The following PFKFB2 variants were observed in gnomAD, a reference collection of about 807,000 sequenced individuals.
PFKFB2 encodes 6-phosphofructo-2-kinase/fructose-2,6-bisphosphatase 2.
Under a neutral mutation model 68.0 loss-of-function variants are expected in PFKFB2, and 53 were observed. That is an observed-to-expected ratio of 0.78 (90% CI 0.63 to 0.98). The LOEUF (loss-of-function observed/expected upper bound fraction) is 0.98. Ranked by LOEUF, PFKFB2 falls within the 50% of genes least tolerant of loss-of-function variation. The probability of loss-of-function intolerance (pLI) is 0.00; values close to 1 mark genes in which losing one functional copy is unlikely to be tolerated. For synonymous variants in PFKFB2, 222 were observed against 227.6 expected, an observed-to-expected ratio of 0.98 and a Z score of 0.22; for missense variants, 451 against 642.0, an observed-to-expected ratio of 0.70 and a Z score of 3.22.
chr1:207,079,149 C>T (rs1683703965), downstream of PFKFB2: 1 of 756,568 alleles, frequency 1.3e-6, no homozygotes, highest in Admixed American at 1.9e-5. Context: ...CAAAACGAGG[C>T]CTGGAGAAAC....
chr1:207,073,789 A>G lies in PFKFB2; in HGVS notation c.*1418A>G, dbSNP rs532231770. 3 of 985,204 alleles carry G rather than the reference A, an allele frequency of 3.0e-6. No homozygotes were observed. The highest frequency in any genetic ancestry group is 3.5e-5 in the African/African-American group (2 of 57,354). 61.0% of individuals were successfully genotyped at this position (985,204 alleles called of 1,614,324 possible). ...AGCCCCTTGATGACCATGATGGCTT[A>G]TTCTCTTTCCCAATTTTGCATGCAA... On this transcript the variant is annotated 3_prime_UTR_variant, in exon 15 of 15. Transcript: ENST00000367080.
intron 1 of PFKFB2, among the ~76,000 whole-genome samples, chr1:207,041,934 G>A (rs963412761): frequency 6.6e-6 from 1 of 152,126 alleles, no homozygotes; most frequent in Admixed American, 6.5e-5. Context: ...ATGACTTCTA[G>A]CACTATTTCT....
chr1:207,073,546 A>AT lies in PFKFB2; in HGVS notation c.*1182dup. The stretch of plus-strand genomic sequence containing the variant: ...AAAACAAAATAGTTTTTACATGACC[A>AT]TTTTTTTCCCAAATGTGGAAAAGCT... On this transcript the variant is annotated 3_prime_UTR_variant, in exon 15 of 15. Coordinates refer to ENST00000367080, the MANE Select transcript of PFKFB2 (RefSeq NM_006212.2). 2 of 984,984 alleles carry AT rather than the reference A, an allele frequency of 2.0e-6. No homozygotes were observed. The highest frequency in any genetic ancestry group is 2.4e-6 in the Non-Finnish European group (2 of 829,552). The allele number at this position is 984,984 out of a possible 1,614,324, so 61.0% of individuals were successfully genotyped here.
intron 11 of PFKFB2, 65 bp downstream of exon 11, chr1:207,069,593 G>C: frequency 9.5e-7 from 1 of 1,051,380 alleles, no homozygotes; most frequent in South Asian, 1.3e-5. Context: ...CTTTAATTTG[G>C]GGGAAGGATT....
intron 1 of PFKFB2, among the ~76,000 whole-genome samples, chr1:207,040,582 G>A (rs986395499): frequency 3.3e-5 from 5 of 151,990 alleles, no homozygotes; most frequent in Non-Finnish European, 7.4e-5. Flanking sequence ...AGTGGGCTTA[G>A]GGGAATATGT....
At chr1:207,052,334 G>C (rs1682773856), upstream of PFKFB2, 2 of 1,048,674 alleles carry the variant, frequency 1.9e-6, no homozygotes, top group Non-Finnish European at 2.9e-6. Flanking sequence ...CTGGGTTAGG[G>C]GGTAGGTAGG....
In PFKFB2 at chr1:207,038,894, T is replaced by C. The variant is rs1289365046; in HGVS notation, c.-61-3275T>C. On this transcript the variant is annotated intron_variant, in intron 1 of 5. Coordinates refer to the PFKFB2 transcript ENST00000545806. ...CCTAGGGAAGTTCCTGGTATGACATTAGCATTCAGAAATGTTTATTAAATG... is the reference window on the plus strand; with the variant it reads ...CCTAGGGAAGTTCCTGGTATGACATCAGCATTCAGAAATGTTTATTAAATG... 2.6e-5 allele frequency among the ~76,000 whole-genome samples: 4 copies of C among 152,342 alleles called. 1 individual carries two copies. The East Asian group carries it at 7.7e-4, about 29-fold the overall frequency.
At chr1:207,065,715 G>GTAT (rs1484200020) in intron 8 of PFKFB2, among the ~76,000 whole-genome samples, 3 of 152,112 alleles carry the variant, frequency 2.0e-5, no homozygotes, top group Non-Finnish European at 4.4e-5. Context: ...CTCAATCTCA[G>GTAT]TATTATTGGC....
Position 207,069,545 on chromosome 1 carries a change from A to C in PFKFB2, c.1092+17A>C. 1 of 1,491,930 alleles carries C rather than the reference A, an allele frequency of 6.7e-7. No homozygotes were observed. Among genetic ancestry groups the C allele is most frequent in the Non-Finnish European group, 9.4e-7 (1 of 1,068,576 alleles). 92.4% of individuals were successfully genotyped at this position (1,491,930 alleles called of 1,614,324 possible). ...GGTGGGGAGGTAAGACGCCCCTGTC[A>C]TGTAAAGTGACTGCCTAGACCCTTG... On this transcript the variant is annotated intron_variant, in intron 11 of 14. Transcript: ENST00000367080.
chr1:207,055,475 A>G (rs1312360587), intron 2 of PFKFB2, among the ~76,000 whole-genome samples: 2 of 152,102 alleles, frequency 1.3e-5, no homozygotes, highest in Non-Finnish European at 2.9e-5. Flanking sequence ...CCTGTCCCCA[A>G]GCATCTGTAT....
downstream of PFKFB2, chr1:207,078,965 C>T (rs945066284): frequency 8.1e-6 from 13 of 1,612,336 alleles, no homozygotes; most frequent in Non-Finnish European, 1.0e-5. Flanking sequence ...CAGCAGAGAC[C>T]ACACTGGCTG....
At chr1:207,042,275 G>T (rs549621641) in intron 2 of PFKFB2, 2 of 152,254 alleles carry the variant, frequency 1.3e-5, no homozygotes, top group Admixed American at 6.5e-5. Context: ...GCGGCCAGGC[G>T]CAGTGGCTCA....
Position 207,065,130 on chromosome 1 carries a change from A to T in PFKFB2, c.602A>T (p.Tyr201Phe). ...LKRIECYKVT[Y>F]RPLDPDNYDK... ...AGAATTGAATGCTACAAAGTTACCTACCGACCTCTTGACCCAGACAACTAT... is the reference window on the plus strand; with the variant it reads ...AGAATTGAATGCTACAAAGTTACCTTCCGACCTCTTGACCCAGACAACTAT... The change falls in exon 8 of 15, where the codon TAC becomes TTC. Residue 201 changes from tyrosine to phenylalanine, a missense_variant. Tyr to Phe is a conservative substitution (Grantham distance 22, BLOSUM62 3). Coordinates refer to ENST00000367080, the MANE Select transcript of PFKFB2 (RefSeq NM_006212.2). The T allele has an allele frequency of 1.2e-6, 2 of 1,613,986 alleles. No individual in the cohort carries two copies. The highest frequency in any genetic ancestry group is 1.7e-6 in the Non-Finnish European group (2 of 1,179,942).
At position 207,063,897 on chromosome 1, in the gene PFKFB2, G is replaced by GTGTGTGTGTGTGTGTA. The variant is rs1204511871; in HGVS notation, c.507+83_507+84insATGTGTGTGTGTGTGT. 5.0e-6 allele frequency: 5 copies of GTGTGTGTGTGTGTGTA among 1,009,252 alleles called. No homozygotes were observed. The highest frequency in any genetic ancestry group is 2.1e-4 in the Middle Eastern group (1 of 4,808). The allele number at this position is 1,009,252 out of a possible 1,614,324, so 62.5% of individuals were successfully genotyped here. A position where few individuals can be genotyped will look rare whatever the true frequency, so the allele number is the denominator to read the frequency against. On this transcript the variant is annotated intron_variant, in intron 7 of 14. Transcript: ENST00000367080. The surrounding 1 kb of genome is among the most constrained non-coding windows in gnomAD (Gnocchi z 4.1). Reference sequence around the variant, plus strand: ...GCTGTGTGTGTTGTGGGGTGTGTGTGTGTGTGTGTGTGTGTGTGTTGTTGG... The same window carrying GTGTGTGTGTGTGTGTA: ...GCTGTGTGTGTTGTGGGGTGTGTGTGTGTGTGTGTGTGTGTATGTGTGTGTGTGTGTGTGTTGTTGG...
intron 1 of PFKFB2, among the ~76,000 whole-genome samples, chr1:207,038,936 A>G (rs1488532762): frequency 1.3e-5 from 2 of 152,230 alleles, no homozygotes; most frequent in African/African-American, 4.8e-5. Flanking sequence ...TATTATTGCA[A>G]TCTTGAGGTA....
rs11453040 is a variant in PFKFB2 at position 207,069,648 on chromosome 1, T to TG, written c.1092+123dup. On this transcript the variant is annotated intron_variant, in intron 11 of 14. Coordinates refer to ENST00000367080, the MANE Select transcript of PFKFB2 (RefSeq NM_006212.2). ...TAGGCATCATTTATCTTCCTTCCCT[T>TG]GGGTCATTTTGGTTTCATTCAGCTT... 3,082 of 647,634 alleles carry TG rather than the reference T, an allele frequency of 4.8e-3. 65 individuals carry two copies. The African/African-American group carries it at 0.052, about 11-fold the overall frequency. The allele number at this position is 647,634 out of a possible 1,614,324, so 40.1% of individuals were successfully genotyped here.
chr1:207,035,499 C>T (rs1469941037), intron 1 of PFKFB2, among the ~76,000 whole-genome samples: 1 of 151,984 alleles, frequency 6.6e-6, no homozygotes, highest in African/African-American at 2.4e-5. Context: ...ACTAAAAGTA[C>T]AAAAATTAGC....
rs1258742601 is a variant in PFKFB2 at position 207,054,742 on chromosome 1, C to A, written c.25C>A (p.Gln9Lys). 6.2e-7 allele frequency: 1 copy of A among 1,613,788 alleles called. No homozygotes were observed. The highest frequency in any genetic ancestry group is 1.3e-5 in the African/African-American group (1 of 75,042). The change falls in exon 2 of 15, where the codon CAG becomes AAG. Residue 9 changes from glutamine (Q) to lysine (K), a missense_variant. Transcript: ENST00000367080. Reference protein sequence around the residue: MSGASSSEQNNNSYETKTP... With the variant: MSGASSSEKNNNSYETKTP... Reference sequence around the variant, plus strand: ...CATGTCTGGGGCATCTTCCTCAGAACAGAACAACAACAGCTATGAAACCAA... The same window carrying A: ...CATGTCTGGGGCATCTTCCTCAGAAAAGAACAACAACAGCTATGAAACCAA...
intron 1 of PFKFB2, among the ~76,000 whole-genome samples, chr1:207,039,987 G>T (rs1682446760): frequency 6.6e-6 from 1 of 152,120 alleles, no homozygotes; most frequent in Non-Finnish European, 1.5e-5. Flanking sequence ...CAGAGTTCAG[G>T]GTCCACCAAT....
Sources: allele counts gnomAD v4.1 joint callset (sites outside exome capture counted in the v4.1 genomes callset), GRCh38; gene constraint gnomAD v4.1.1; non-coding constraint Gnocchi (gnomAD v3.1); transcripts MANE v1.5; gene names NCBI Gene and HGNC (gene_info 2026-07-23, HGNC 2026-07-21).